Variants in NRG3 observed in about 807,000 individuals in gnomAD.
NRG3 encodes the protein pro-neuregulin-3, membrane-bound isoform.
In NRG3, 31 loss-of-function variants were observed where a neutral mutation model predicts 66.9. The observed-to-expected ratio is 0.46, with a 90% confidence interval of 0.35 to 0.63. The LOEUF (loss-of-function observed/expected upper bound fraction) is 0.63, where lower values mean the gene tolerates loss of function less well. Ranked by LOEUF, NRG3 falls within the 20% of genes least tolerant of loss-of-function variation. The pLI, the probability that NRG3 is intolerant of heterozygous loss-of-function variation, is 0.00. For synonymous variants in NRG3, 393 were observed against 359.4 expected, an observed-to-expected ratio of 1.09 and a Z score of -1.06; for missense variants, 910 against 878.9, an observed-to-expected ratio of 1.04 and a Z score of -0.45.
chr10:82,577,960 G>A (rs543286186), intron 2 of NRG3, among the ~76,000 whole-genome samples: 3 of 151,540 alleles, frequency 2.0e-5, no homozygotes, highest in Non-Finnish European at 4.4e-5. Context: ...TCTAGTGAAA[G>A]TCTTTATTTC....
intron 1 of NRG3, among the ~76,000 whole-genome samples, chr10:82,000,853 T>G (rs2061134327): frequency 6.6e-6 from 1 of 152,184 alleles, no homozygotes; most frequent in Admixed American, 6.5e-5. Context: ...TCCATTTGAT[T>G]CTTGTTTTTC....
intron 3 of NRG3, among the ~76,000 whole-genome samples, chr10:82,756,609 A>G (rs75663917): frequency 1.3e-5 from 2 of 152,078 alleles, no homozygotes; most frequent in Non-Finnish European, 2.9e-5. Context: ...AAAGAAATAT[A>G]TGGATCCTGT....
intron 1 of NRG3, among the ~76,000 whole-genome samples, chr10:82,247,130 T>C (rs1213707511): frequency 6.6e-6 from 1 of 152,190 alleles, no homozygotes; most frequent in East Asian, 1.9e-4. Context: ...TGGTCTAACA[T>C]GTCTGCCAAT....
chr10:82,875,713 G>T (rs1215913615), intron 4 of NRG3, among the ~76,000 whole-genome samples: 1 of 152,146 alleles, frequency 6.6e-6, no homozygotes, highest in Non-Finnish European at 1.5e-5. Flanking sequence ...ATGGGCTTCA[G>T]TACATGCGCT....
At chr10:82,376,007 A>C (rs1363500421) in intron 2 of NRG3, among the ~76,000 whole-genome samples, 2 of 152,210 alleles carry the variant, frequency 1.3e-5, no homozygotes, top group African/African-American at 2.4e-5. Flanking sequence ...AAGACGGCAC[A>C]CAGAAAACCT....
intron 2 of NRG3, among the ~76,000 whole-genome samples, chr10:82,700,848 T>G (rs2134287295): frequency 6.6e-6 from 1 of 152,224 alleles, no homozygotes; most frequent in African/African-American, 2.4e-5. Flanking sequence ...ATCAATTAAT[T>G]GAAAAATCAG....
intron 2 of NRG3, among the ~76,000 whole-genome samples, chr10:82,404,272 A>T (rs1217059725): frequency 6.6e-6 from 1 of 152,128 alleles, no homozygotes; most frequent in Non-Finnish European, 1.5e-5. Flanking sequence ...CTTGGTACTC[A>T]TTGGACTGCA....
At chr10:82,547,790 A>AGATCCAT in intron 2 of NRG3, among the ~76,000 whole-genome samples, 1 of 152,254 alleles carries the variant, frequency 6.6e-6, no homozygotes, top group East Asian at 1.9e-4. Context: ...GGGAAGTTAT[A>AGATCCAT]GATCCATGGT....
intron 2 of NRG3, among the ~76,000 whole-genome samples, chr10:82,366,962 A>T (rs1248503942): frequency 6.6e-6 from 1 of 152,326 alleles, no homozygotes; most frequent in South Asian, 2.1e-4. Flanking sequence ...TAAACGCAGG[A>T]TATGTTAGCA....
intron 1 of NRG3, among the ~76,000 whole-genome samples, chr10:82,021,629 A>G (rs2062063519): frequency 6.6e-6 from 1 of 152,066 alleles, no homozygotes; most frequent in Non-Finnish European, 1.5e-5. Flanking sequence ...AGAGTCTCAA[A>G]TTCACTTGTG....
intron 3 of NRG3, among the ~76,000 whole-genome samples, chr10:82,855,847 G>A (rs1482617146): frequency 6.6e-6 from 1 of 152,218 alleles, no homozygotes. Flanking sequence ...TAGCATTTTA[G>A]TGACCATGGA....
intron 1 of NRG3, among the ~76,000 whole-genome samples, chr10:82,299,786 A>G (rs1341528742): frequency 6.6e-6 from 1 of 152,184 alleles, no homozygotes; most frequent in Non-Finnish European, 1.5e-5. Context: ...CAAAACCACC[A>G]ACGAGAAGCA....
At chr10:82,063,153 T>G (rs2064255038) in intron 1 of NRG3, among the ~76,000 whole-genome samples, 2 of 152,162 alleles carry the variant, frequency 1.3e-5, no homozygotes, top group South Asian at 4.1e-4. Context: ...AACAATTCAG[T>G]TCTTCTGTGG....
intron 2 of NRG3, among the ~76,000 whole-genome samples, chr10:82,637,973 G>C (rs539051031): frequency 1.3e-5 from 2 of 152,268 alleles, no homozygotes; most frequent in South Asian, 4.1e-4. Context: ...CTTAAGAGTA[G>C]TGGAGAATCA....
rs551071167 is a variant in NRG3 at position 82,621,512 on chromosome 10, A to C, written c.954-117065A>C. ...AACAGCAGAGTGAAGTAGAATAAGC[A>C]GTGCGTGTTGGCTGTTAGTATCATC... On this transcript the variant is annotated intron_variant, in intron 2 of 8. Coordinates refer to ENST00000372141, the MANE Select transcript of NRG3 (RefSeq NM_001010848.4). 2.1e-3 allele frequency among the ~76,000 whole-genome samples: 320 copies of C among 152,346 alleles called. 1 individual carries two copies. Among genetic ancestry groups the C allele is most frequent in the Non-Finnish European group, 3.5e-3 (238 of 68,028 alleles).
chr10:81,979,021 T>C (rs1205270033), intron 1 of NRG3, among the ~76,000 whole-genome samples: 2 of 151,996 alleles, frequency 1.3e-5, no homozygotes, highest in Non-Finnish European at 2.9e-5. Flanking sequence ...AAACCCCGTC[T>C]CTATTAAAAG....
chr10:82,125,261 ATG>A (rs751692375), intron 1 of NRG3, among the ~76,000 whole-genome samples: 29 of 151,190 alleles, frequency 1.9e-4, no homozygotes, highest in African/African-American at 5.8e-4. Flanking sequence ...GTGTGTGTTT[ATG>A]TGTGTGTGTG....
At chr10:82,464,250 G>A (rs994124806) in intron 2 of NRG3, among the ~76,000 whole-genome samples, 4 of 152,058 alleles carry the variant, frequency 2.6e-5, no homozygotes, top group African/African-American at 9.7e-5. Context: ...GAAGACTTAG[G>A]CTCAGGAAAA....
At chr10:82,878,953 C>G (rs1164516639) in intron 4 of NRG3, among the ~76,000 whole-genome samples, 1 of 152,164 alleles carries the variant, frequency 6.6e-6, no homozygotes, top group East Asian at 1.9e-4. Flanking sequence ...TTTGTCCTGC[C>G]TTTCCCTCAG....
Sources: gnomAD v4.1 joint callset for allele counts (sites outside exome capture counted in the v4.1 genomes callset) on GRCh38, gnomAD v4.1.1 for gene constraint, MANE v1.5 for transcripts, NCBI Gene and HGNC (gene_info 2026-07-23, HGNC 2026-07-21) for gene names.